The following CHD3 variants were observed in gnomAD, a reference collection of about 807,000 sequenced individuals.
The protein encoded by CHD3 is ATP-dependent chromatin remodeler CHD3.
A neutral mutation model predicts 248.9 loss-of-function variants in CHD3; 52 were observed. The observed-to-expected ratio is 0.21, with a 90% CI of 0.17 to 0.26. CHD3 has a LOEUF of 0.26. Among genes scored for constraint, CHD3 ranks in the 10% least tolerant of loss-of-function variants. The probability of loss-of-function intolerance (pLI) is 1.00; values close to 1 mark genes in which losing one functional copy is unlikely to be tolerated. For missense variants in CHD3, 1,482 were observed against 2,605.8 expected (o/e 0.57, Z 9.39); for synonymous variants, 985 against 985.2 (o/e 1.00, Z 0.00).
At position 7,895,718 on chromosome 17, in the gene CHD3, T is replaced by C; in HGVS notation, c.1707+176T>C. 4.9e-6 allele frequency: 3 copies of C among 613,828 alleles called. No homozygotes were observed. The South Asian group carries it at 6.2e-5, about 13-fold the overall frequency. 38.0% of individuals were successfully genotyped at this position (613,828 alleles called of 1,614,324 possible). On this transcript the variant is annotated intron_variant, in intron 10 of 39. Coordinates refer to ENST00000330494, the MANE Select transcript of CHD3 (RefSeq NM_001005273.3). The surrounding 1 kb of genome is among the most constrained non-coding windows in gnomAD (Gnocchi z 4.9). ...ATGTGGTTCTTTTGGTCTACAGTCCTCTTTCTCTCAGTCTCCGTTAGCTTC... is the reference window on the plus strand; with the variant it reads ...ATGTGGTTCTTTTGGTCTACAGTCCCCTTTCTCTCAGTCTCCGTTAGCTTC...
rs760046263 is a variant in CHD3 at position 7,908,031 on chromosome 17, T to C, written c.5152+12T>C. 2.5e-6 allele frequency: 4 copies of C among 1,587,212 alleles called. No homozygotes were observed. The highest frequency in any genetic ancestry group is 1.1e-5 in the South Asian group (1 of 89,074). ...TGGTGGCTTCACAGGTTGGGGAGAC[T>C]CTCGCTGCTTTCTGCTCCTCAAGGG... On this transcript the variant is annotated intron_variant, in intron 34 of 39. Coordinates refer to ENST00000330494, the MANE Select transcript of CHD3 (RefSeq NM_001005273.3). This position sits in a 1 kb window ranked among gnomAD's most constrained non-coding sequence, Gnocchi z 5.8.
At position 7,910,885 on chromosome 17, in the gene CHD3, CG is replaced by C; in HGVS notation, c.5797del (p.Ala1933ArgfsTer8). On this transcript the variant is annotated frameshift_variant, in exon 39 of 40. Coordinates refer to ENST00000330494, the MANE Select transcript of CHD3 (RefSeq NM_001005273.3). LOFTEE classifies it high-confidence loss of function. This position sits in a 1 kb window ranked among gnomAD's most constrained non-coding sequence, Gnocchi z 4.7. Reference protein sequence around the residue: ...PGPYATPPGYGAAFSAAPVGA... With the variant: ...PGPYATPPGYXAAFSAAPVGA... ...GTCCCTACGCTACACCTCCGGGGTA[CG>C]GGGCGGCCTTCAGCGCCGCACCCGT... The C allele has an allele frequency of 6.2e-7, 1 of 1,612,346 alleles. No homozygotes were observed. The highest frequency in any genetic ancestry group is 8.5e-7 in the Non-Finnish European group (1 of 1,179,488).
Position 7,889,111 on chromosome 17 carries a change from G to A in CHD3, c.100+11G>A, listed in dbSNP as rs771183277. The A allele has an allele frequency of 3.1e-6, 5 of 1,614,152 alleles. No individual in the cohort carries two copies. Among genetic ancestry groups the A allele is most frequent in the Middle Eastern group, 1.7e-4 (1 of 6,058 alleles). ...GTGACAGGATGCCTGGTAATTATCC[G>A]AGGAAATGTAAATAGAGGCCTCCCT... On this transcript the variant is annotated intron_variant, in intron 1 of 39. Coordinates refer to ENST00000330494, the MANE Select transcript of CHD3 (RefSeq NM_001005273.3). This position sits in a 1 kb window ranked among gnomAD's most constrained non-coding sequence, Gnocchi z 4.5.
Position 7,906,893 on chromosome 17 carries a change from G to T in CHD3, c.4528G>T (p.Gly1510Trp). The T allele has an allele frequency of 6.2e-7, 1 of 1,614,092 alleles. No individual in the cohort carries two copies. Residue 1510 changes from glycine to tryptophan, a missense_variant, in exon 30 of 40, where the codon GGG (glycine) becomes TGG (tryptophan). Physicochemically the swap from Gly to Trp is radical, Grantham distance 184. Transcript: ENST00000330494. This position sits in a 1 kb window ranked among gnomAD's most constrained non-coding sequence, Gnocchi z 5.0. ...KKVQEFEHIN[G>W]RWSMPELMPD... ...GGTGCAGGAGTTTGAGCACATCAAT[G>T]GGCGTTGGTCAATGCCGGAACTGAT...
Position 7,906,098 on chromosome 17 carries a change from C to T in CHD3, c.4358+109C>T. 6.8e-7 allele frequency: 1 copy of T among 1,463,400 alleles called. No individual in the cohort carries two copies. The highest frequency in any genetic ancestry group is 9.5e-7 in the Non-Finnish European group (1 of 1,053,626). The allele number at this position is 1,463,400 out of a possible 1,614,324, so 90.7% of individuals were successfully genotyped here. ...TGTGACCTTACTCAACTGATTATCA[C>T]CCTCCCTGTCATACAATACTTCCTG... is the stretch of plus-strand genomic sequence containing the variant. On this transcript the variant is annotated intron_variant, in intron 28 of 39. Coordinates refer to ENST00000330494, the MANE Select transcript of CHD3 (RefSeq NM_001005273.3). The surrounding 1 kb of genome is among the most constrained non-coding windows in gnomAD (Gnocchi z 5.0).
chr17:7,903,849 G>T lies in CHD3; in HGVS notation c.3752G>T (p.Ser1251Ile). The change falls in exon 24 of 40, where the codon AGT becomes ATT. Residue 1251 changes from serine to isoleucine, a missense_variant. This residue lies in a region of CHD3 where 156 missense variants were observed against 420.3 expected (regional missense o/e 0.37). Transcript: ENST00000330494. The surrounding 1 kb of genome is among the most constrained non-coding windows in gnomAD (Gnocchi z 6.8). Reference sequence around the variant, plus strand: ...GGGGAGAACAAGGAGGAGGACAGCAGTGTGATTCATTATGACAATGAGGCC... The same window carrying T: ...GGGGAGAACAAGGAGGAGGACAGCATTGTGATTCATTATGACAATGAGGCC... ...NEGENKEEDS[S>I]VIHYDNEAIA... The T allele has an allele frequency of 6.2e-7, 1 of 1,614,174 alleles. No homozygotes were observed. Among genetic ancestry groups the T allele is most frequent in the Non-Finnish European group, 8.5e-7 (1 of 1,180,024 alleles).
chr17:7,900,982 G>A lies in CHD3; in HGVS notation c.3109G>A (p.Val1037Met), dbSNP rs1410239914. The A allele has an allele frequency of 6.2e-7, 1 of 1,613,840 alleles. No homozygotes were observed. Among genetic ancestry groups the A allele is most frequent in the Non-Finnish European group, 8.5e-7 (1 of 1,179,932 alleles). The stretch of plus-strand genomic sequence containing the variant: ...CTGCAACCATCCATACCTTTTTCCC[G>A]TGGCTGCTATGGTAGATACACAGAG... ...KCCNHPYLFP[V>M]AAMESPKLPS... is the part of the protein sequence containing the mutation. Residue 1037 changes from valine (V) to methionine (M), a missense_variant, in exon 19 of 40, where the codon GTG becomes ATG. Transcript: ENST00000330494. The surrounding 1 kb of genome is among the most constrained non-coding windows in gnomAD (Gnocchi z 6.5).
chr17:7,888,995 T>C lies in CHD3; in HGVS notation c.-6T>C. On this transcript the variant is annotated 5_prime_UTR_variant, in exon 1 of 40. Coordinates refer to ENST00000330494, the MANE Select transcript of CHD3 (RefSeq NM_001005273.3). ...TTAGGTAATTGTGGAGACTTTCTCC[T>C]GTGTGATGAAGGCGGCAGACACTGT... The C allele has an allele frequency of 6.2e-7, 1 of 1,614,186 alleles. No homozygotes were observed.
At chr17:7,888,725 T>C, upstream of CHD3, 1 of 913,886 alleles carries the variant, frequency 1.1e-6, no homozygotes, top group Admixed American at 4.1e-5. Context: ...TGTGTGGGTG[T>C]GGGTGCGCGC....
In CHD3 at chr17:7,905,686, C is replaced by T; in HGVS notation, c.4204C>T (p.Arg1402Ter). The change falls in exon 27 of 40, where the codon CGA (arginine) becomes TGA (stop). Residue 1402 changes from arginine to a stop codon, truncating the protein, a stop_gained. Coordinates refer to ENST00000330494, the MANE Select transcript of CHD3 (RefSeq NM_001005273.3). LOFTEE classifies it high-confidence loss of function. This position sits in a 1 kb window ranked among gnomAD's most constrained non-coding sequence, Gnocchi z 5.8. ...TAAGCCACTGCCTCCACTGCTGGCC[C>T]GAGTCGGGGGCAACATTGAGGTGAG... The part of the protein sequence containing the change: ...KDKPLPPLLA[R>*]VGGNIEVLGF... 6.2e-7 allele frequency: 1 copy of T among 1,611,634 alleles called. No homozygotes were observed. The highest frequency in any genetic ancestry group is 8.5e-7 in the Non-Finnish European group (1 of 1,178,612).
In CHD3 at chr17:7,907,015, C is replaced by T; in HGVS notation, c.4650C>T (p.Pro1550=). 3 of 1,614,186 alleles carry T rather than the reference C, an allele frequency of 1.9e-6. No individual in the cohort carries two copies. Among genetic ancestry groups the T allele is most frequent in the Non-Finnish European group, 2.5e-6 (3 of 1,180,026 alleles). Residue 1550 remains proline, a synonymous_variant, in exon 30 of 40, where the codon CCC becomes CCT. Coordinates refer to ENST00000330494, the MANE Select transcript of CHD3 (RefSeq NM_001005273.3). The surrounding 1 kb of genome is among the most constrained non-coding windows in gnomAD (Gnocchi z 4.3). The part of the protein sequence containing the change: ...TTPEASATNS[P]CTSKPATPAP... ...CTGAGGCTTCTGCTACCAACAGTCC[C>T]TGCACCTCTAAACCTGGTAATCAGA...
intron 21 of CHD3, 70 bp from the exon 22 acceptor site, chr17:7,902,867 A>G: frequency 1.9e-6 from 3 of 1,593,516 alleles, no homozygotes; most frequent in Non-Finnish European, 2.6e-6. Context: ...TTGTCATCAG[A>G]GAACATCTAG....
chr17:7,891,634 G>A (rs915482946), intron 4 of CHD3, among the ~76,000 whole-genome samples: 6 of 152,196 alleles, frequency 3.9e-5, no homozygotes. Context: ...GCCAAGGCAG[G>A]TGGATCGCCT....
intron 7 of CHD3, 41 bp from the exon 8 acceptor site, chr17:7,894,374 C>A (rs1271281937): frequency 6.3e-7 from 1 of 1,593,364 alleles, no homozygotes; most frequent in Admixed American, 1.7e-5. Flanking sequence ...TCCATCTCCC[C>A]CTGCCCTGCT....
chr17:7,908,707 G>A lies in CHD3; in HGVS notation c.5272G>A (p.Ala1758Thr). 1 of 1,614,182 alleles carries A rather than the reference G, an allele frequency of 6.2e-7. No homozygotes were observed. Among genetic ancestry groups the A allele is most frequent in the Non-Finnish European group, 8.5e-7 (1 of 1,180,022 alleles). Reference protein sequence around the residue: ...LLAGIVLHGYARWQDIQNDAQ... With the variant: ...LLAGIVLHGYTRWQDIQNDAQ... ...TTCCTTCATTGGTAGCCATGGCTAT[G>A]CACGGTGGCAGGACATCCAGAATGA... Residue 1758 changes from alanine (A) to threonine (T), a missense_variant, in exon 36 of 40, where the codon GCA (alanine) becomes ACA (threonine). By Grantham distance (58) the Ala-to-Thr change is moderately conservative. Around this residue, in one of 20 missense-constraint regions of CHD3, gnomAD observed 36 missense variants for 70.4 expected, o/e 0.51. Coordinates refer to ENST00000330494, the MANE Select transcript of CHD3 (RefSeq NM_001005273.3). This position sits in a 1 kb window ranked among gnomAD's most constrained non-coding sequence, Gnocchi z 5.8.
chr17:7,898,797 C>G (rs1348666115), intron 13 of CHD3, among the ~76,000 whole-genome samples: 2 of 152,172 alleles, frequency 1.3e-5, no homozygotes, highest in African/African-American at 4.8e-5. Flanking sequence ...ACTGGTGGCT[C>G]TGTCACCAGC....
Position 7,906,096 on chromosome 17 carries a change from C to A in CHD3, c.4358+107C>A. ...GATGTGACCTTACTCAACTGATTAT[C>A]ACCCTCCCTGTCATACAATACTTCC... On this transcript the variant is annotated intron_variant, in intron 28 of 39. Coordinates refer to ENST00000330494, the MANE Select transcript of CHD3 (RefSeq NM_001005273.3). This position sits in a 1 kb window ranked among gnomAD's most constrained non-coding sequence, Gnocchi z 5.0. The A allele has an allele frequency of 6.8e-7, 1 of 1,473,040 alleles. No individual in the cohort carries two copies. The highest frequency in any genetic ancestry group is 9.4e-7 in the Non-Finnish European group (1 of 1,061,812). 91.2% of individuals were successfully genotyped at this position (1,473,040 alleles called of 1,614,324 possible). A position where few individuals can be genotyped will look rare whatever the true frequency, so the allele number is the denominator to read the frequency against.
rs779749152 is a variant in CHD3, at chr17:7,908,403, G to A, written c.5154G>A (p.Glu1718=). 6 of 1,612,460 alleles carry A rather than the reference G, an allele frequency of 3.7e-6. No individual in the cohort carries two copies. The highest frequency in any genetic ancestry group is 5.1e-6 in the Non-Finnish European group (6 of 1,179,118). The part of the protein sequence containing the change: ...MFNIADGGFT[E]LHTLWQNEER... ...TTCTGTCTGCTGCCTTCTTTGCAGA[G>A]CTTCACACACTGTGGCAGAATGAGG... Residue 1718 remains glutamate, a splice_region_variant and synonymous_variant, in exon 35 of 40, where the codon GAG becomes GAA. Coordinates refer to ENST00000330494, the MANE Select transcript of CHD3 (RefSeq NM_001005273.3). The surrounding 1 kb of genome is among the most constrained non-coding windows in gnomAD (Gnocchi z 5.8).
Position 7,904,409 on chromosome 17 carries a change from C to A in CHD3, c.3895-33C>A, listed in dbSNP as rs1437145272. ...GTGGAAGGATTAGCAAAGAAGGAGA[C>A]CCCCAGTGTTCATTCATTCTGTTGC... On this transcript the variant is annotated intron_variant, in intron 24 of 39. Transcript: ENST00000330494. This position sits in a 1 kb window ranked among gnomAD's most constrained non-coding sequence, Gnocchi z 4.4. 8 of 1,591,128 alleles carry A rather than the reference C, an allele frequency of 5.0e-6. 1 individual carries two copies. The highest frequency in any genetic ancestry group is 3.6e-4 in the Middle Eastern group (2 of 5,572).
Sources: allele counts gnomAD v4.1 joint callset (sites outside exome capture counted in the v4.1 genomes callset), GRCh38; gene constraint gnomAD v4.1.1; regional missense constraint gnomAD v4.1.1; non-coding constraint Gnocchi (gnomAD v3.1); transcripts MANE v1.5; gene names NCBI Gene and HGNC (gene_info 2026-07-23, HGNC 2026-07-21).